MAMDC2: variants seen among roughly 807,000 people sequenced by gnomAD.
The protein encoded by MAMDC2 is MAM domain containing 2.
A neutral mutation model predicts 89.8 loss-of-function variants in MAMDC2; 57 were observed. That is an observed-to-expected ratio of 0.63 (90% confidence interval 0.51 to 0.79). MAMDC2 has a LOEUF of 0.79. MAMDC2 is among the 30% of genes least tolerant of loss of function. MAMDC2 has a pLI of 0.00. For synonymous variants in MAMDC2, 313 were observed against 293.4 expected (o/e 1.07, Z -0.68); for missense variants, 800 against 820.6 (o/e 0.97, Z 0.31).
chr9:70,143,882 C>T (rs955203660), intron 9 of MAMDC2, 63 bp downstream of exon 9: 10 of 1,563,804 alleles, frequency 6.4e-6, no homozygotes, highest in African/African-American at 2.7e-5. Context: ...TGTGAATGTC[C>T]GTCTAGCTAC....
intron 2 of MAMDC2, among the ~76,000 whole-genome samples, chr9:70,106,592 C>T (rs145972535): frequency 2.0e-5 from 3 of 152,174 alleles, no homozygotes; most frequent in South Asian, 2.1e-4. Flanking sequence ...TGGAAATGCA[C>T]GTGAAGCACT....
At chr9:70,155,731 C>G (rs2031738017) in intron 9 of MAMDC2, among the ~76,000 whole-genome samples, 1 of 152,170 alleles carries the variant, frequency 6.6e-6, no homozygotes, top group South Asian at 2.1e-4. Context: ...TCCTCAAATC[C>G]TTGTCTTCTG....
intron 11 of MAMDC2, among the ~76,000 whole-genome samples, chr9:70,209,255 G>T (rs1298438103): frequency 3.9e-5 from 6 of 152,090 alleles, no homozygotes; most frequent in Non-Finnish European, 5.9e-5. Flanking sequence ...GAATCCATCT[G>T]GTCCTGGACT....
intron 7 of MAMDC2, 31 bp from the exon 8 acceptor site, chr9:70,140,114 C>A: frequency 6.6e-7 from 1 of 1,524,232 alleles, no homozygotes; most frequent in Non-Finnish European, 8.7e-7. Context: ...ATCTTTGGGA[C>A]TGTCATTAAC....
chr9:70,075,112 G>A (rs1827502909), intron 2 of MAMDC2, among the ~76,000 whole-genome samples: 1 of 152,156 alleles, frequency 6.6e-6, no homozygotes. Flanking sequence ...AATCCTAAAA[G>A]CAATAATACT....
chr9:70,159,739 T>C (rs1319332426), intron 9 of MAMDC2, among the ~76,000 whole-genome samples: 1 of 152,252 alleles, frequency 6.6e-6, no homozygotes, highest in Non-Finnish European at 1.5e-5. Flanking sequence ...TTATAATGCC[T>C]GTCCTTGGAC....
rs1339738602 is a variant in MAMDC2 at position 70,221,396 on chromosome 9, G to T, written c.1911+2800G>T. On this transcript the variant is annotated intron_variant, in intron 12 of 13. Coordinates refer to ENST00000377182, the MANE Select transcript of MAMDC2 (RefSeq NM_153267.5). ...ATATATATATAGAGAGAGAGAGAGAGAGAGAGAGAGAGTAACATCAGATAA... is the reference window on the plus strand; with the variant it reads ...ATATATATATAGAGAGAGAGAGAGATAGAGAGAGAGAGTAACATCAGATAA... Among the ~76,000 whole-genome samples the T allele has an allele frequency of 6.5e-4, 47 of 72,840 alleles. 6 individuals are homozygous for T. The highest frequency in any genetic ancestry group is 2.0e-3 in the South Asian group (4 of 2,032). 47.8% of individuals were successfully genotyped at this position (72,840 alleles called of 152,430 possible).
At chr9:70,182,281 A>G (rs1316419923) in intron 11 of MAMDC2, among the ~76,000 whole-genome samples, 1 of 152,182 alleles carries the variant, frequency 6.6e-6, no homozygotes, top group Admixed American at 6.5e-5. Flanking sequence ...GGATTTTTGC[A>G]TTGATGTTCA....
intron 11 of MAMDC2, among the ~76,000 whole-genome samples, chr9:70,177,961 C>T (rs58548696): frequency 6.6e-6 from 1 of 152,160 alleles, no homozygotes; most frequent in Non-Finnish European, 1.5e-5. Flanking sequence ...CAGAAAACAT[C>T]TAAACTTTTT....
chr9:70,167,734 G>T (rs548300547), intron 9 of MAMDC2, among the ~76,000 whole-genome samples: 3 of 152,298 alleles, frequency 2.0e-5, no homozygotes, highest in East Asian at 3.9e-4. Context: ...AGACTTTTCT[G>T]TCTTTCTCTG....
At position 70,065,880 on chromosome 9, in the gene MAMDC2, T is replaced by G. The variant is rs141459273; in HGVS notation, c.148+21183T>G. 9.5e-3 allele frequency among the ~76,000 whole-genome samples: 1,450 copies of G among 152,308 alleles called. 23 individuals are homozygous for G. The highest frequency in any genetic ancestry group is 0.033 in the African/African-American group (1,371 of 41,568). On this transcript the variant is annotated intron_variant, in intron 2 of 13. Coordinates refer to ENST00000377182, the MANE Select transcript of MAMDC2 (RefSeq NM_153267.5). ...TATTCCTTGCATGTTTGCAGAAGTT[T>G]TAGTGGATGCCAAATGTTGTTCTTG...
chr9:70,134,600 G>A (rs1288579076), intron 7 of MAMDC2, among the ~76,000 whole-genome samples: 3 of 152,200 alleles, frequency 2.0e-5, no homozygotes, highest in Non-Finnish European at 2.9e-5. Context: ...TCATGGGAAC[G>A]CCTCTCAGAG....
chr9:70,147,856 T>G (rs992074487), intron 9 of MAMDC2: 1 of 150,522 alleles, frequency 6.6e-6, no homozygotes, highest in Admixed American at 6.6e-5. Flanking sequence ...CATCTGTGAT[T>G]ATTGCAACAA....
chr9:70,142,913 G>A (rs1239831314), intron 8 of MAMDC2, among the ~76,000 whole-genome samples: 1 of 152,194 alleles, frequency 6.6e-6, no homozygotes, highest in Non-Finnish European at 1.5e-5. Context: ...TGACCATGGG[G>A]ATGGTGGGAG....
intron 11 of MAMDC2, among the ~76,000 whole-genome samples, chr9:70,203,243 C>T (rs997815197): frequency 6.6e-6 from 1 of 152,110 alleles, no homozygotes; most frequent in Non-Finnish European, 1.5e-5. Flanking sequence ...TCTTTTAGGG[C>T]AGGCCTGATG....
intron 7 of MAMDC2, among the ~76,000 whole-genome samples, chr9:70,135,755 A>C (rs2030979170): frequency 6.6e-6 from 1 of 152,164 alleles, no homozygotes; most frequent in Non-Finnish European, 1.5e-5. Flanking sequence ...AGTTTAGATT[A>C]AGGTTCACTC....
chr9:70,191,897 G>A (rs2032888537), intron 11 of MAMDC2, among the ~76,000 whole-genome samples: 1 of 152,080 alleles, frequency 6.6e-6, no homozygotes, highest in African/African-American at 2.4e-5. Flanking sequence ...TTTCACAAAT[G>A]CCTTAGAAGA....
chr9:70,133,390 C>T (rs1490986701), intron 7 of MAMDC2, among the ~76,000 whole-genome samples: 10 of 152,172 alleles, frequency 6.6e-5, no homozygotes, highest in Admixed American at 3.9e-4. Context: ...GGAAAAGAAA[C>T]GTTCCAGCAA....
At chr9:70,071,615 G>T (rs1465413289) in intron 2 of MAMDC2, 1 of 152,148 alleles carries the variant, frequency 6.6e-6, no homozygotes, top group Non-Finnish European at 1.5e-5. Context: ...ATTCTTATCA[G>T]TAAGATAAAG....
Sources: gnomAD v4.1 joint callset for allele counts (sites outside exome capture counted in the v4.1 genomes callset) on GRCh38, gnomAD v4.1.1 for gene constraint, MANE v1.5 for transcripts, NCBI Gene and HGNC (gene_info 2026-07-23, HGNC 2026-07-21) for gene names.